The following NAV1 variants were observed in gnomAD, a reference collection of about 807,000 sequenced individuals.
NAV1 encodes neuron navigator 1.
A neutral mutation model predicts 175.2 loss-of-function variants in NAV1; 18 were observed. That is an observed-to-expected ratio of 0.10 (90% CI 0.07 to 0.15). The LOEUF (loss-of-function observed/expected upper bound fraction) is 0.15. Ranked by LOEUF, NAV1 falls within the 10% of genes least tolerant of loss-of-function variation. The pLI, the probability that NAV1 is intolerant of heterozygous loss-of-function variation, is 1.00. For missense variants in NAV1, 1,731 were observed against 2,436.6 expected, an observed-to-expected ratio of 0.71 and a Z score of 6.10; for synonymous variants, 897 against 978.7, an observed-to-expected ratio of 0.92 and a Z score of 1.56.
In NAV1 at chr1:201,750,955, T is replaced by C. The variant is rs1157322642; in HGVS notation, c.1227-29466T>C. On this transcript the variant is annotated intron_variant, in intron 3 of 29. Coordinates refer to ENST00000367296, the Ensembl canonical transcript of NAV1. The surrounding 1 kb of genome is among the most constrained non-coding windows in gnomAD (Gnocchi z 4.1). ...TCCTCTAGAAACAAAACCAGTTTGA[T>C]TTTGATTAACTTTCTCTTCTTTTAA... Among the ~76,000 whole-genome samples the C allele has an allele frequency of 2.6e-5, 4 of 152,246 alleles. No homozygotes were observed. The highest frequency in any genetic ancestry group is 9.6e-5 in the African/African-American group (4 of 41,462).
intron 1 of NAV1, among the ~76,000 whole-genome samples, chr1:201,686,721 T>G (rs903697565): frequency 1.3e-5 from 2 of 152,242 alleles, no homozygotes; most frequent in African/African-American, 4.8e-5. Context: ...CTTGCCACCT[T>G]TGCCTCCTAA....
At chr1:201,576,962 C>G (rs1172632551) in intron 1 of NAV1, among the ~76,000 whole-genome samples, 1 of 152,070 alleles carries the variant, frequency 6.6e-6, no homozygotes, top group East Asian at 1.9e-4. Context: ...TGCCTATTTC[C>G]TAATTGAATT....
At chr1:201,615,263 C>CT (rs1256633287) in intron 2 of NAV1, among the ~76,000 whole-genome samples, 16,144 of 144,028 alleles carry the variant, frequency 0.11, 1,039 homozygotes, top group East Asian at 0.19. Flanking sequence ...TTCTTTCTTT[C>CT]TTTCTTTTTT....
intron 1 of NAV1, among the ~76,000 whole-genome samples, chr1:201,671,389 C>G (rs750197090): frequency 6.6e-6 from 1 of 152,186 alleles, no homozygotes; most frequent in East Asian, 1.9e-4. Context: ...TGCTTCCTGC[C>G]CCACCCCACC....
At chr1:201,583,923 C>A (rs1335268911) in intron 1 of NAV1, among the ~76,000 whole-genome samples, 1 of 152,180 alleles carries the variant, frequency 6.6e-6, no homozygotes, top group South Asian at 2.1e-4. Context: ...CACTTTGCAG[C>A]GTGTCCTTCA....
chr1:201,622,078 A>G (rs1465070782), upstream of NAV1, among the ~76,000 whole-genome samples: 1 of 152,076 alleles, frequency 6.6e-6, no homozygotes, highest in Non-Finnish European at 1.5e-5. Context: ...ACTGCCTTGA[A>G]CCAAAGGTGG....
intron 1 of NAV1, among the ~76,000 whole-genome samples, chr1:201,542,707 A>C (rs1225117406): frequency 6.6e-6 from 1 of 152,188 alleles, no homozygotes; most frequent in Non-Finnish European, 1.5e-5. Context: ...TGCAGTTCAC[A>C]CTACCACCCC....
At chr1:201,647,060 C>G (rs79384786), upstream of NAV1, among the ~76,000 whole-genome samples, 1,074 of 152,270 alleles carry the variant, frequency 7.1e-3, 9 homozygotes, top group Non-Finnish European at 9.4e-3. Context: ...GTTCTTAGGG[C>G]TTTATAATCC....
At chr1:201,642,713 TCTTTCTTCCCTTCCTTC>T (rs1668835902) in intron 2 of NAV1, among the ~76,000 whole-genome samples, 1 of 148,432 alleles carries the variant, frequency 6.7e-6, no homozygotes, top group African/African-American at 2.5e-5. Flanking sequence ...TTTCTTTCTT[TCTTTCTTCCCTTCCTTC>T]CTTTCTTCCC....
chr1:201,604,830 A>G (rs631676), intron 2 of NAV1, among the ~76,000 whole-genome samples: 16,057 of 152,122 alleles, frequency 0.11, 923 homozygotes, highest in East Asian at 0.14. Context: ...AAGAAATTAT[A>G]CCACTTGACT....
At chr1:201,797,339 G>A (rs1677519549) in intron 15 of NAV1, 1 of 152,092 alleles carries the variant, frequency 6.6e-6, no homozygotes, top group Admixed American at 6.5e-5. Flanking sequence ...TCTTCTATAT[G>A]AGTTTCTTTC....
At chr1:201,601,914 T>A (rs1439019624) in intron 2 of NAV1, among the ~76,000 whole-genome samples, 1 of 152,072 alleles carries the variant, frequency 6.6e-6, no homozygotes, top group Non-Finnish European at 1.5e-5. Context: ...TCAGTGGTGG[T>A]GTCGAGGAGG....
intron 15 of NAV1, chr1:201,796,548 G>A (rs533940732): frequency 9.0e-4 from 137 of 152,342 alleles, no homozygotes; most frequent in Admixed American, 1.7e-3. Flanking sequence ...GGCTAGTCTC[G>A]AACTCCTGAC....
chr1:201,822,811 T>C (rs969165644), exon 30 of NAV1: 1 of 152,766 alleles, frequency 6.5e-6, no homozygotes, highest in African/African-American at 2.4e-5. Context: ...ACTGTGGGGA[T>C]TGATCATTCT....
upstream of NAV1, among the ~76,000 whole-genome samples, chr1:201,620,205 T>A (rs1039613404): frequency 1.3e-5 from 2 of 152,194 alleles, no homozygotes; most frequent in African/African-American, 4.8e-5. Flanking sequence ...CTGTGGTTGC[T>A]TACAGCTTTC....
chr1:201,556,190 T>C (rs1170889270), intron 1 of NAV1, among the ~76,000 whole-genome samples: 1 of 152,086 alleles, frequency 6.6e-6, no homozygotes, highest in Non-Finnish European at 1.5e-5. Flanking sequence ...GGTGGGTAGA[T>C]TGTTTGAGCC....
intron 1 of NAV1, among the ~76,000 whole-genome samples, chr1:201,701,677 T>C (rs1334472587): frequency 6.6e-6 from 1 of 152,224 alleles, no homozygotes; most frequent in Non-Finnish European, 1.5e-5. Flanking sequence ...AGATGACACC[T>C]ACAGTGAGAT....
intron 1 of NAV1, among the ~76,000 whole-genome samples, chr1:201,557,857 G>A (rs906465635): frequency 1.3e-5 from 2 of 152,172 alleles, no homozygotes; most frequent in Admixed American, 6.5e-5. Context: ...AGGACGAAAG[G>A]ACTCCTCAGG....
At chr1:201,707,231 G>C (rs951040336) in intron 1 of NAV1, among the ~76,000 whole-genome samples, 3 of 152,320 alleles carry the variant, frequency 2.0e-5, no homozygotes, top group East Asian at 1.9e-4. Flanking sequence ...CCAGGGGTGT[G>C]CACCACGCCC....
Sources: gnomAD v4.1 joint callset for allele counts (sites outside exome capture counted in the v4.1 genomes callset) on GRCh38, gnomAD v4.1.1 for gene constraint, Gnocchi (gnomAD v3.1) non-coding constraint, MANE v1.5 for transcripts, NCBI Gene and HGNC (gene_info 2026-07-23, HGNC 2026-07-21) for gene names.